Variants in TFAP2A observed in about 807,000 individuals in gnomAD.
TFAP2A encodes the protein transcription factor AP-2 alpha, also known as transcription factor AP-2-alpha.
Under a neutral mutation model 41.5 loss-of-function variants are expected in TFAP2A, and 7 were observed. The ratio of observed to expected loss-of-function variants is 0.17; its 90% CI spans 0.10 to 0.32. The LOEUF is 0.32. TFAP2A is among the 10% of genes least tolerant of loss of function. TFAP2A has a pLI of 1.00. For missense variants in TFAP2A, 416 were observed against 563.3 expected (o/e 0.74, Z 2.65); for synonymous variants, 247 against 242.8 (o/e 1.02, Z -0.16).
intron 5 of TFAP2A, 27 bp downstream of exon 5, chr6:10,402,465 T>G (rs751343923): frequency 6.5e-7 from 1 of 1,533,294 alleles, no homozygotes; most frequent in Non-Finnish European, 9.0e-7. Flanking sequence ...AGGAAGTTCC[T>G]TCTAGTTAGC....
rs754264393 is a variant in TFAP2A, at chr6:10,406,828, C to G, written c.503G>C (p.Gly168Ala). The part of the protein sequence containing the change: ...IEEVPHVEDP[G>A]INIPDQTVIK... ...TACAGTTTGATCTGGGATGTTAATACCCGGGTCTTCTACATGCTGCAACAA... is the reference window on the plus strand; with the variant it reads ...TACAGTTTGATCTGGGATGTTAATAGCCGGGTCTTCTACATGCTGCAACAA... The change falls in exon 3 of 7, where the codon GGT becomes GCT. Residue 168 changes from glycine (G) to alanine (A), a missense_variant. This residue lies in a region of TFAP2A where 241 missense variants were observed against 274.1 expected (regional missense o/e 0.88). Coordinates refer to ENST00000379613, the MANE Select transcript of TFAP2A (RefSeq NM_001372066.1). 6.2e-7 allele frequency: 1 copy of G among 1,613,448 alleles called. No individual in the cohort carries two copies. Among genetic ancestry groups the G allele is most frequent in the Non-Finnish European group, 8.5e-7 (1 of 1,179,448 alleles).
chr6:10,412,974 C>G (rs1053341099), intron 1 of TFAP2A: 2 of 152,322 alleles, frequency 1.3e-5, no homozygotes, highest in African/African-American at 4.8e-5. Flanking sequence ...CTAGGCGGCC[C>G]AGCCCGGGCG....
chr6:10,414,918 G>C, intron 1 of TFAP2A, 23 bp downstream of exon 1: 3 of 1,613,878 alleles, frequency 1.9e-6, no homozygotes, highest in Non-Finnish European at 2.5e-6. Flanking sequence ...CCGCACGGAT[G>C]ATCGAGCCGG....
Position 10,398,508 on chromosome 6 carries a change from G to C in TFAP2A, c.1229C>G (p.Ala410Gly). The C allele has an allele frequency of 6.2e-7, 1 of 1,614,212 alleles. No individual in the cohort carries two copies. The highest frequency in any genetic ancestry group is 1.1e-5 in the South Asian group (1 of 91,076). ...LQNYLTEALK[A>G]MDKMYLSNNP... is the part of the protein sequence containing the mutation. Reference sequence around the variant, plus strand: ...GTTGCTGAGGTACATTTTGTCCATGGCCTTGAGGGCCTCGGTGAGATAGTT... The same window carrying C: ...GTTGCTGAGGTACATTTTGTCCATGCCCTTGAGGGCCTCGGTGAGATAGTT... Residue 410 changes from alanine to glycine, a missense_variant, in exon 7 of 7, where the codon GCC (alanine) becomes GGC (glycine). Around this residue, in one of 3 missense-constraint regions of TFAP2A, gnomAD observed 116 missense variants for 153.8 expected, o/e 0.75. Transcript: ENST00000379613. The surrounding 1 kb of genome is among the most constrained non-coding windows in gnomAD (Gnocchi z 5.3).
chr6:10,397,001 A>C lies in TFAP2A; in HGVS notation c.*1416T>G, dbSNP rs959914489. ...ATAAAAAATACTGCCAAGAACAAAA[A>C]TACGCCTGGGTAAAGACAGCCACTG... On this transcript the variant is annotated 3_prime_UTR_variant, in exon 7 of 7. Coordinates refer to ENST00000379613, the MANE Select transcript of TFAP2A (RefSeq NM_001372066.1). The C allele has an allele frequency of 1.3e-5, 2 of 152,660 alleles. No homozygotes were observed. Among genetic ancestry groups the C allele is most frequent in the Admixed American group, 6.5e-5 (1 of 15,284 alleles). The allele number at this position is 152,660 out of a possible 1,614,324, so 9.5% of individuals were successfully genotyped here.
chr6:10,411,559 A>AT (rs749961325), intron 1 of TFAP2A: 1 of 1,613,872 alleles, frequency 6.2e-7, no homozygotes, highest in Non-Finnish European at 8.5e-7. Flanking sequence ...GGGGGTGGGG[A>AT]TGGGACTCAC....
At chr6:10,411,682 C>T in intron 1 of TFAP2A, 1 of 1,604,572 alleles carries the variant, frequency 6.2e-7, no homozygotes, top group South Asian at 1.1e-5. Flanking sequence ...CGAGCGCGCC[C>T]CACACAAAAG....
In TFAP2A at chr6:10,397,810, T is replaced by C. The variant is rs1206207432; in HGVS notation, c.*607A>G. On this transcript the variant is annotated 3_prime_UTR_variant, in exon 7 of 7. Coordinates refer to ENST00000379613, the MANE Select transcript of TFAP2A (RefSeq NM_001372066.1). ...AAAGTTCAAGTTGGTCGCTTTACCT[T>C]AAAGAGGAAAAACTTCTACAACTGA... 1.0e-6 allele frequency: 1 copy of C among 983,454 alleles called. No individual in the cohort carries two copies. Among genetic ancestry groups the C allele is most frequent in the South Asian group, 4.7e-5 (1 of 21,260 alleles). 60.9% of individuals were successfully genotyped at this position (983,454 alleles called of 1,614,324 possible).
Position 10,398,712 on chromosome 6 carries a change from C to T in TFAP2A, c.1032-7G>A, listed in dbSNP as rs1158761. 27 of 1,613,860 alleles carry T rather than the reference C, an allele frequency of 1.7e-5. No homozygotes were observed. The South Asian group carries it at 3.0e-4, about 18-fold the overall frequency. On this transcript the variant is annotated splice_region_variant and splice_polypyrimidine_tract_variant and intron_variant, in intron 6 of 6. Coordinates refer to ENST00000379613, the MANE Select transcript of TFAP2A (RefSeq NM_001372066.1). The surrounding 1 kb of genome is among the most constrained non-coding windows in gnomAD (Gnocchi z 5.3). ...GAACTCTTTGCATATCTGTCTGCAGCACAAGTGGAGCAGAGAGAGAGACAT... is the reference window on the plus strand; with the variant it reads ...GAACTCTTTGCATATCTGTCTGCAGTACAAGTGGAGCAGAGAGAGAGACAT...
At position 10,397,331 on chromosome 6, in the gene TFAP2A, T is replaced by A. The variant is rs1311943316; in HGVS notation, c.*1086A>T. The A allele has an allele frequency of 1.3e-5, 2 of 149,974 alleles. No individual in the cohort carries two copies. The highest frequency in any genetic ancestry group is 3.9e-4 in the East Asian group (2 of 5,176). 9.3% of individuals were successfully genotyped at this position (149,974 alleles called of 1,614,324 possible). A position where few individuals can be genotyped will look rare whatever the true frequency, so the allele number is the denominator to read the frequency against. On this transcript the variant is annotated 3_prime_UTR_variant, in exon 7 of 7. Transcript: ENST00000379613. The stretch of plus-strand genomic sequence containing the variant: ...GGGAGGACAGTGGAATAAAATAAAC[T>A]TTTTTTTTTCTCCCTACAATACATA...
At chr6:10,416,730 A>G (rs1201267190), upstream of TFAP2A, among the ~76,000 whole-genome samples, 4 of 152,246 alleles carry the variant, frequency 2.6e-5, no homozygotes, top group Non-Finnish European at 4.4e-5. Context: ...GAAGGAAGGC[A>G]GGAGCTGGGA....
chr6:10,402,364 T>A, intron 5 of TFAP2A, 128 bp downstream of exon 5: 1 of 790,392 alleles, frequency 1.3e-6, no homozygotes, highest in Non-Finnish European at 2.3e-6. Flanking sequence ...TCCATTCACA[T>A]CTGGCTATAT....
At chr6:10,402,199 A>T in intron 5 of TFAP2A, 2 of 459,352 alleles carry the variant, frequency 4.4e-6, no homozygotes, top group South Asian at 3.3e-5. Flanking sequence ...AGCCCTTTAA[A>T]GGAGACAAAC....
intron 1 of TFAP2A, among the ~76,000 whole-genome samples, 184 bp from the exon 2 acceptor site, chr6:10,410,519 G>T (rs1581270150): frequency 6.6e-6 from 1 of 152,074 alleles, no homozygotes; most frequent in Non-Finnish European, 1.5e-5. Context: ...ACCGAACAAC[G>T]CAGAGAAACT....
At position 10,398,636 on chromosome 6, in the gene TFAP2A, G is replaced by C; in HGVS notation, c.1101C>G (p.Asn367Lys). Residue 367 changes from asparagine to lysine, a missense_variant, in exon 7 of 7, where the codon AAC becomes AAG. Asn to Lys is a moderately conservative substitution (Grantham distance 94). Coordinates refer to ENST00000379613, the MANE Select transcript of TFAP2A (RefSeq NM_001372066.1). This position sits in a 1 kb window ranked among gnomAD's most constrained non-coding sequence, Gnocchi z 5.3. Reference sequence around the variant, plus strand: ...TCTGGATGCCGGGCTCCAGGATGGGGTTGGGCCGTGAGTTCCCCAGGGGAG... The same window carrying C: ...TCTGGATGCCGGGCTCCAGGATGGGCTTGGGCCGTGAGTTCCCCAGGGGAG... ...DRSPLGNSRP[N>K]PILEPGIQSC... The C allele has an allele frequency of 6.2e-7, 1 of 1,614,228 alleles. No individual in the cohort carries two copies. The highest frequency in any genetic ancestry group is 8.5e-7 in the Non-Finnish European group (1 of 1,180,038).
chr6:10,414,309 C>T (rs1758146969), intron 1 of TFAP2A, among the ~76,000 whole-genome samples: 1 of 152,198 alleles, frequency 6.6e-6, no homozygotes, highest in Admixed American at 6.5e-5. Context: ...CTTCGTGAAG[C>T]ACAGAGGATC....
At chr6:10,406,625 C>A in intron 3 of TFAP2A, 168 bp downstream of exon 3, 1 of 661,510 alleles carries the variant, frequency 1.5e-6, no homozygotes, top group South Asian at 1.7e-5. Flanking sequence ...GCATTACCAA[C>A]ATACTGAAGG....
rs1454364823 is a variant in TFAP2A at position 10,397,446 on chromosome 6, T to C, written c.*971A>G. 1.3e-5 allele frequency: 2 copies of C among 152,066 alleles called. No individual in the cohort carries two copies. Among genetic ancestry groups the C allele is most frequent in the African/African-American group, 4.8e-5 (2 of 41,412 alleles). The allele number at this position is 152,066 out of a possible 1,614,324, so 9.4% of individuals were successfully genotyped here. ...CGGTTCAATGAAAAGCTAAATGTAA[T>C]AATACTAATTATAGATAAAATTTTA... On this transcript the variant is annotated 3_prime_UTR_variant, in exon 7 of 7. Transcript: ENST00000379613.
At chr6:10,412,917 G>C (rs1467100897) in intron 1 of TFAP2A, 1 of 152,838 alleles carries the variant, frequency 6.5e-6, no homozygotes, top group African/African-American at 2.4e-5. Flanking sequence ...CTGGGGCCGG[G>C]GATTCCGGAT....
Sources: allele counts gnomAD v4.1 joint callset (sites outside exome capture counted in the v4.1 genomes callset), GRCh38; gene constraint gnomAD v4.1.1; regional missense constraint gnomAD v4.1.1; non-coding constraint Gnocchi (gnomAD v3.1); transcripts MANE v1.5; gene names NCBI Gene and HGNC (gene_info 2026-07-23, HGNC 2026-07-21).